Variants in CHL1 observed in about 807,000 individuals in gnomAD.
CHL1 encodes the protein cell adhesion molecule L1 like.
CHL1 carries 96 observed loss-of-function variants against 141.9 expected under a neutral mutation model. The ratio of observed to expected loss-of-function variants is 0.68; its 90% CI spans 0.57 to 0.80. The LOEUF (loss-of-function observed/expected upper bound fraction) is 0.80. Ranked by LOEUF, CHL1 falls within the 30% of genes least tolerant of loss-of-function variation. The pLI, the probability that CHL1 is intolerant of heterozygous loss-of-function variation, is 0.00. For missense variants in CHL1, 1,820 were observed against 1,457.2 expected (o/e 1.25, Z -4.05); for synonymous variants, 613 against 502.2 (o/e 1.22, Z -2.95).
chr3:292,085 G>T (rs190986546), intron 2 of CHL1, among the ~76,000 whole-genome samples: 5 of 152,174 alleles, frequency 3.3e-5, no homozygotes. Flanking sequence ...TTTGTGTCTT[G>T]TTCTTTGCTG....
chr3:219,982 T>G (rs930069239), intron 1 of CHL1, among the ~76,000 whole-genome samples: 2 of 152,192 alleles, frequency 1.3e-5, no homozygotes, highest in African/African-American at 4.8e-5. Flanking sequence ...CATTGAATAA[T>G]ACTTAGTATC....
At chr3:323,686 T>A (rs1202240094) in intron 3 of CHL1, among the ~76,000 whole-genome samples, 1 of 152,130 alleles carries the variant, frequency 6.6e-6, no homozygotes, top group African/African-American at 2.4e-5. Flanking sequence ...ACAGATGAAA[T>A]GCAGAAGCAG....
chr3:241,431 G>C (rs1430079919), intron 1 of CHL1, among the ~76,000 whole-genome samples: 1 of 152,170 alleles, frequency 6.6e-6, no homozygotes, highest in Non-Finnish European at 1.5e-5. Context: ...CTCATATTCA[G>C]AAAACAAGTG....
intron 1 of CHL1, among the ~76,000 whole-genome samples, chr3:228,234 G>T (rs1040547296): frequency 1.3e-5 from 2 of 152,096 alleles, no homozygotes; most frequent in African/African-American, 4.8e-5. Flanking sequence ...AAAACACAGG[G>T]GAATGTTTGA....
At chr3:204,404 T>C (rs1476229853) in intron 1 of CHL1, among the ~76,000 whole-genome samples, 1 of 152,232 alleles carries the variant, frequency 6.6e-6, no homozygotes, top group Non-Finnish European at 1.5e-5. Flanking sequence ...TTCTTCTTTG[T>C]TATAGTTGTA....
At chr3:345,773 G>A (rs928285573) in intron 9 of CHL1, among the ~76,000 whole-genome samples, 3 of 152,116 alleles carry the variant, frequency 2.0e-5, no homozygotes, top group South Asian at 2.1e-4. Context: ...ATGAGCCACC[G>A]GGCCCAGCCC....
chr3:254,464 G>A (rs896256276), intron 2 of CHL1, among the ~76,000 whole-genome samples: 1 of 152,158 alleles, frequency 6.6e-6, no homozygotes, highest in African/African-American at 2.4e-5. Flanking sequence ...AAAGGGCTAG[G>A]TATTTTCTAG....
At chr3:359,865 T>C (rs1348507065) in intron 11 of CHL1, among the ~76,000 whole-genome samples, 1 of 152,036 alleles carries the variant, frequency 6.6e-6, no homozygotes. Context: ...AGGGGGAAAA[T>C]AGCAGCCAGT....
intron 2 of CHL1, among the ~76,000 whole-genome samples, chr3:257,046 C>T (rs1694239320): frequency 6.6e-6 from 1 of 152,130 alleles, no homozygotes; most frequent in Non-Finnish European, 1.5e-5. Context: ...TTAGTTATTC[C>T]TTAAAGTTTT....
At chr3:203,584 A>G (rs1244138301) in intron 1 of CHL1, among the ~76,000 whole-genome samples, 7 of 152,248 alleles carry the variant, frequency 4.6e-5, no homozygotes. Context: ...CTGCTGAAGC[A>G]CATCTGGAGC....
chr3:298,353 G>A (rs1032699067), intron 2 of CHL1, among the ~76,000 whole-genome samples: 5 of 152,104 alleles, frequency 3.3e-5, no homozygotes, highest in African/African-American at 9.7e-5. Flanking sequence ...CAGGGAGAGA[G>A]GTCTTTGACC....
At chr3:198,929 G>C (rs1363783026) in intron 1 of CHL1, among the ~76,000 whole-genome samples, 1 of 152,228 alleles carries the variant, frequency 6.6e-6, no homozygotes. Context: ...TATTGATGGA[G>C]AGAGAAGCTT....
At chr3:197,869 T>C (rs1455040975) in intron 1 of CHL1, 8 of 374,670 alleles carry the variant, frequency 2.1e-5, no homozygotes, top group Admixed American at 7.7e-5. Flanking sequence ...TCTCTTTCTC[T>C]CGCTTTTTTT....
At chr3:400,024 G>A (rs370004081) in intron 26 of CHL1, among the ~76,000 whole-genome samples, 20 of 152,138 alleles carry the variant, frequency 1.3e-4, no homozygotes, top group Non-Finnish European at 1.9e-4. Context: ...TTCAACTCCC[G>A]AATTTGTTTT....
chr3:237,014 A>C (rs4684334), intron 1 of CHL1, among the ~76,000 whole-genome samples: 77,182 of 152,068 alleles, frequency 0.51, 21,208 homozygotes, highest in Non-Finnish European at 0.61. Context: ...CAAGGAATCA[A>C]ACTCGTTAGG....
chr3:281,932 C>T (rs1909383), intron 2 of CHL1, among the ~76,000 whole-genome samples: 37,652 of 152,070 alleles, frequency 0.25, 4,894 homozygotes, highest in Middle Eastern at 0.4. Context: ...CTTCTAGATA[C>T]GACATAATCA....
At chr3:391,913 G>A (rs1038974275) in intron 23 of CHL1, 116 bp downstream of exon 23, 19 of 786,454 alleles carry the variant, frequency 2.4e-5, no homozygotes, top group African/African-American at 1.3e-4. Context: ...GTAAGCTGCC[G>A]TTCTTCCTTG....
intron 1 of CHL1, among the ~76,000 whole-genome samples, chr3:236,047 C>A (rs1234032495): frequency 6.6e-6 from 1 of 152,110 alleles, no homozygotes; most frequent in Non-Finnish European, 1.5e-5. Flanking sequence ...GATTGTTTGG[C>A]TGCCTCAGCA....
chr3:257,918 T>G (rs1466713917), intron 2 of CHL1, among the ~76,000 whole-genome samples: 1 of 152,210 alleles, frequency 6.6e-6, no homozygotes. Context: ...TTTATTTGTT[T>G]TGTTAACATT....
Sources: gnomAD v4.1 joint callset for allele counts (sites outside exome capture counted in the v4.1 genomes callset) on GRCh38, gnomAD v4.1.1 for gene constraint, MANE v1.5 for transcripts, NCBI Gene and HGNC (gene_info 2026-07-23, HGNC 2026-07-21) for gene names.